FOXP1: variants seen among roughly 807,000 people sequenced by gnomAD.
FOXP1 encodes forkhead box P1.
A neutral mutation model predicts 98.2 loss-of-function variants in FOXP1; 15 were observed. The observed-to-expected ratio is 0.15, with a 90% CI of 0.10 to 0.24. The LOEUF (loss-of-function observed/expected upper bound fraction) is 0.24. FOXP1 is among the 10% of genes least tolerant of loss of function. FOXP1 has a pLI of 1.00. For missense variants in FOXP1, 633 were observed against 848.5 expected (o/e 0.75, Z 3.15); for synonymous variants, 371 against 314.5 (o/e 1.18, Z -1.90).
rs546906089 is a variant in FOXP1 at position 71,251,532 on chromosome 3, C to T, written c.-12+48288G>A. Among the ~76,000 whole-genome samples the T allele has an allele frequency of 3.3e-5, 5 of 152,258 alleles. No individual in the cohort carries two copies. The East Asian group carries it at 9.6e-4, about 29-fold the overall frequency. On this transcript the variant is annotated intron_variant, in intron 5 of 20. Transcript: ENST00000649528. ...TCTTTCGCAATGGGCAAATACAGAA[C>T]CAAAGACCATTTGGAAGCGGGGGTG...
chr3:71,569,220 A>T (rs550221453), intron 2 of FOXP1, among the ~76,000 whole-genome samples: 1 of 152,338 alleles, frequency 6.6e-6, no homozygotes, highest in South Asian at 2.1e-4. Context: ...ATGAAGGGAC[A>T]GGATACATTT....
intron 6 of FOXP1, among the ~76,000 whole-genome samples, chr3:71,182,399 G>A (rs1336272082): frequency 1.3e-5 from 2 of 152,130 alleles, no homozygotes; most frequent in South Asian, 2.1e-4. Context: ...TTCCAACAGT[G>A]TGAATGTGAA....
chr3:71,564,268 G>T (rs919909839), intron 2 of FOXP1, among the ~76,000 whole-genome samples: 1 of 152,158 alleles, frequency 6.6e-6, no homozygotes. Context: ...GTTCTCATCC[G>T]TTATCTGCCT....
chr3:71,079,022 T>C (rs573040233), intron 7 of FOXP1, among the ~76,000 whole-genome samples: 75 of 152,264 alleles, frequency 4.9e-4, no homozygotes, highest in Non-Finnish European at 9.7e-4. Flanking sequence ...CACGGTTTGG[T>C]TTTGCCCCTT....
intron 3 of FOXP1, among the ~76,000 whole-genome samples, chr3:71,461,575 G>A (rs1577643852): frequency 6.6e-6 from 1 of 152,084 alleles, no homozygotes; most frequent in East Asian, 1.9e-4. Flanking sequence ...GGCCGAAGCG[G>A]GTGGATCACA....
chr3:71,019,747 C>T (rs1266681419), intron 11 of FOXP1, among the ~76,000 whole-genome samples: 2 of 152,066 alleles, frequency 1.3e-5, no homozygotes, highest in Non-Finnish European at 2.9e-5. Context: ...AGGAGAATCG[C>T]TTGAACCTGG....
chr3:71,431,211 A>G (rs2108385671), intron 3 of FOXP1, among the ~76,000 whole-genome samples: 1 of 152,240 alleles, frequency 6.6e-6, no homozygotes, highest in East Asian at 1.9e-4. Flanking sequence ...CAAATCTCCA[A>G]TGGGAGCAGA....
At chr3:71,277,612 T>C (rs187979852) in intron 5 of FOXP1, among the ~76,000 whole-genome samples, 2 of 152,228 alleles carry the variant, frequency 1.3e-5, no homozygotes, top group Admixed American at 6.5e-5. Context: ...ATTCCAGCCA[T>C]GCAGGCCTTA....
At chr3:71,190,280 C>G (rs1576299767) in intron 6 of FOXP1, among the ~76,000 whole-genome samples, 1 of 152,146 alleles carries the variant, frequency 6.6e-6, no homozygotes, top group East Asian at 1.9e-4. Context: ...TCCCCCTCCA[C>G]CCCCATTTTC....
chr3:71,266,229 TTTTG>T (rs1374956301), intron 5 of FOXP1, among the ~76,000 whole-genome samples: 4 of 151,696 alleles, frequency 2.6e-5, no homozygotes, highest in South Asian at 2.1e-4. Flanking sequence ...AATTTTGGAC[TTTTG>T]TTTATTTTTT....
At chr3:71,005,314 TAA>T (rs60664354) in intron 12 of FOXP1, among the ~76,000 whole-genome samples, 1,235 of 25,200 alleles carry the variant, frequency 0.049, 52 homozygotes, top group African/African-American at 0.14. Flanking sequence ...ATACCTGATT[TAA>T]AAAAAAAAAA....
chr3:71,113,757 T>TAAAATAAAATAAAATA (rs1237178658), intron 6 of FOXP1, among the ~76,000 whole-genome samples: 1 of 150,384 alleles, frequency 6.6e-6, no homozygotes, highest in Non-Finnish European at 1.5e-5. Context: ...TAAAATAAAA[T>TAAAATAAAATAAAATA]AAAAGGTCAA....
At chr3:71,461,171 T>A (rs1320901357) in intron 3 of FOXP1, among the ~76,000 whole-genome samples, 1 of 152,236 alleles carries the variant, frequency 6.6e-6, no homozygotes, top group Non-Finnish European at 1.5e-5. Context: ...CTAAAAGTTA[T>A]AAATCTCTTT....
At chr3:71,361,051 T>C (rs1038760608) in intron 3 of FOXP1, among the ~76,000 whole-genome samples, 2 of 152,224 alleles carry the variant, frequency 1.3e-5, no homozygotes, top group African/African-American at 4.8e-5. Context: ...TTCTGAATCT[T>C]CATTCTTATA....
At chr3:70,976,157 G>A (rs184365324) in intron 17 of FOXP1, among the ~76,000 whole-genome samples, 16 of 148,746 alleles carry the variant, frequency 1.1e-4, no homozygotes, top group South Asian at 2.1e-4. Context: ...TCAAGCAATC[G>A]TCCCACCTCT....
At chr3:71,394,391 T>C (rs1341214542) in intron 3 of FOXP1, among the ~76,000 whole-genome samples, 1 of 152,136 alleles carries the variant, frequency 6.6e-6, no homozygotes, top group African/African-American at 2.4e-5. Context: ...TCCCAGACCT[T>C]AGAAGAAAAG....
At chr3:71,126,727 T>C (rs2059208145) in intron 6 of FOXP1, among the ~76,000 whole-genome samples, 1 of 151,280 alleles carries the variant, frequency 6.6e-6, no homozygotes, top group African/African-American at 2.4e-5. Context: ...AGGAGGACGA[T>C]GCATGAGAAT....
chr3:71,354,209 CG>C, intron 4 of FOXP1, among the ~76,000 whole-genome samples: 1 of 149,944 alleles, frequency 6.7e-6, no homozygotes, highest in Admixed American at 6.6e-5. Flanking sequence ...AACCCAGGAG[CG>C]GAGGTTATGG....
intron 5 of FOXP1, among the ~76,000 whole-genome samples, chr3:71,275,463 C>A (rs1398344900): frequency 6.6e-6 from 1 of 152,204 alleles, no homozygotes; most frequent in African/African-American, 2.4e-5. Flanking sequence ...GTCAACAACC[C>A]TAAGAGCTGG....
Sources: allele counts gnomAD v4.1 joint callset (sites outside exome capture counted in the v4.1 genomes callset), GRCh38; gene constraint gnomAD v4.1.1; transcripts MANE v1.5; gene names NCBI Gene and HGNC (gene_info 2026-07-23, HGNC 2026-07-21).